Variants in CERKL observed in about 807,000 individuals in gnomAD.
CERKL encodes the protein ceramide kinase-like protein.
In CERKL, 61 loss-of-function variants were observed where a neutral mutation model predicts 63.4. That is an observed-to-expected ratio of 0.96 (90% CI 0.78 to 1.19). The LOEUF (loss-of-function observed/expected upper bound fraction) is 1.19, where lower values mean the gene tolerates loss of function less well. Ranked by LOEUF, CERKL falls within the 50% of genes most tolerant of loss-of-function variation. CERKL has a pLI of 0.00. For missense variants in CERKL, 675 were observed against 655.5 expected (o/e 1.03, Z -0.33); for synonymous variants, 250 against 230.5 (o/e 1.08, Z -0.77).
At chr2:181,557,578 G>A (rs192079684) in intron 5 of CERKL, among the ~76,000 whole-genome samples, 36 of 152,082 alleles carry the variant, frequency 2.4e-4, no homozygotes, top group Middle Eastern at 3.4e-3. Context: ...ACGGTTCTCC[G>A]TGTCTCTGAC....
intron 11 of CERKL, among the ~76,000 whole-genome samples, chr2:181,541,961 C>A (rs561448816): frequency 3.9e-5 from 6 of 152,294 alleles, no homozygotes; most frequent in African/African-American, 1.4e-4. Context: ...AGAGGTCCTG[C>A]AGATAAGACG....
chr2:181,601,519 G>A (rs555025974), intron 2 of CERKL, among the ~76,000 whole-genome samples: 1 of 152,208 alleles, frequency 6.6e-6, no homozygotes, highest in Non-Finnish European at 1.5e-5. Flanking sequence ...CCAAGATCAC[G>A]CCACTGTACT....
At chr2:181,638,062 AG>A (rs1225645061) in intron 1 of CERKL, among the ~76,000 whole-genome samples, 1 of 152,210 alleles carries the variant, frequency 6.6e-6, no homozygotes, top group Admixed American at 6.5e-5. Flanking sequence ...CAGGACTTTA[AG>A]GGTAGGAGAA....
At chr2:181,616,206 ATTTTTTT>A (rs35040208) in intron 1 of CERKL, among the ~76,000 whole-genome samples, 32 of 110,056 alleles carry the variant, frequency 2.9e-4, no homozygotes, top group African/African-American at 1.0e-3. Flanking sequence ...AAAAATCTAA[ATTTTTTT>A]TTTTTTTTTT....
chr2:181,568,398 G>T (rs1393838967), intron 3 of CERKL, among the ~76,000 whole-genome samples: 1 of 152,122 alleles, frequency 6.6e-6, no homozygotes. Context: ...ACAGGAAAAT[G>T]ACTTCTTTCT....
At chr2:181,565,469 T>C (rs774406597) in intron 4 of CERKL, 11 of 1,612,300 alleles carry the variant, frequency 6.8e-6, no homozygotes, top group African/African-American at 1.3e-5. Flanking sequence ...GAACAATCTC[T>C]GTACACTCCA....
chr2:181,553,720 T>G (rs1688087446), intron 5 of CERKL, among the ~76,000 whole-genome samples: 1 of 152,222 alleles, frequency 6.6e-6, no homozygotes, highest in South Asian at 2.1e-4. Context: ...ATTTTAGTCA[T>G]TGACTACTCA....
At chr2:181,618,666 C>T (rs1686319714) in intron 1 of CERKL, among the ~76,000 whole-genome samples, 1 of 152,146 alleles carries the variant, frequency 6.6e-6, no homozygotes, top group African/African-American at 2.4e-5. Context: ...CCCGCCTCGG[C>T]CTCGCATAGT....
intron 1 of CERKL, among the ~76,000 whole-genome samples, chr2:181,647,717 C>T (rs3863938): frequency 0.44 from 66,728 of 151,854 alleles, 16,258 homozygotes; most frequent in South Asian, 0.78. Context: ...CAAGGACACA[C>T]GACACTGCCA....
At chr2:181,598,704 C>T in intron 2 of CERKL, among the ~76,000 whole-genome samples, 1 of 152,188 alleles carries the variant, frequency 6.6e-6, no homozygotes, top group East Asian at 1.9e-4. Flanking sequence ...CTCAGCCCCA[C>T]ATGAGATAGA....
chr2:181,544,915 A>G, intron 10 of CERKL, 119 bp from the exon 11 acceptor site: 1 of 576,352 alleles, frequency 1.7e-6, no homozygotes, highest in Non-Finnish European at 3.0e-6. Flanking sequence ...GACAAGATAG[A>G]TAAATCACCA....
At chr2:181,620,109 C>T (rs1686383000) in intron 1 of CERKL, among the ~76,000 whole-genome samples, 1 of 152,100 alleles carries the variant, frequency 6.6e-6, no homozygotes, top group African/African-American at 2.4e-5. Context: ...GTGCTTAAAC[C>T]TTTTGTGGCC....
rs1463802580 is a variant in CERKL, at chr2:181,536,995, GGCCTGCAGTGATGGTGAGGAAT to G, written c.*1167_*1188del. The G allele has an allele frequency of 2.0e-5, 9 of 450,228 alleles. No individual in the cohort carries two copies. The highest frequency in any genetic ancestry group is 3.6e-5 in the Non-Finnish European group (8 of 225,244). 27.9% of individuals were successfully genotyped at this position (450,228 alleles called of 1,614,324 possible). Reference sequence around the variant, plus strand: ...AATTGATGAAAGTTATCTGTTCACAGGCCTGCAGTGATGGTGAGGAATGTTCTGAGATTTGCGAAGGCATTTG... The same window carrying G: ...AATTGATGAAAGTTATCTGTTCACAGGTTCTGAGATTTGCGAAGGCATTTG... On this transcript the variant is annotated 3_prime_UTR_variant, in exon 13 of 13. Transcript: ENST00000410087.
At chr2:181,656,652 G>A (rs577255617) in intron 1 of CERKL, 117 bp downstream of exon 1, 4 of 889,490 alleles carry the variant, frequency 4.5e-6, no homozygotes, top group Middle Eastern at 3.5e-4. Flanking sequence ...AGGCGAGCAC[G>A]GGGAGGGGAG....
chr2:181,606,096 A>G (rs973057880), intron 1 of CERKL, among the ~76,000 whole-genome samples: 4 of 151,258 alleles, frequency 2.6e-5, no homozygotes, highest in Admixed American at 2.0e-4. Context: ...GAAAGAAAGA[A>G]AAAGACAGAA....
At chr2:181,612,169 C>G (rs528818221) in intron 1 of CERKL, among the ~76,000 whole-genome samples, 1 of 152,314 alleles carries the variant, frequency 6.6e-6, no homozygotes, top group African/African-American at 2.4e-5. Context: ...AGATTTGAAT[C>G]CAAGCATTTT....
chr2:181,582,397 A>G (rs967400288), intron 2 of CERKL, among the ~76,000 whole-genome samples: 3 of 152,162 alleles, frequency 2.0e-5, no homozygotes, highest in African/African-American at 7.2e-5. Context: ...GTAGGCCATC[A>G]GCATATTTAA....
intron 1 of CERKL, among the ~76,000 whole-genome samples, chr2:181,617,884 T>A (rs557162962): frequency 7.9e-5 from 12 of 152,240 alleles, no homozygotes; most frequent in African/African-American, 2.9e-4. Flanking sequence ...TAAAAGATGT[T>A]TCCTTTTCAG....
intron 2 of CERKL, among the ~76,000 whole-genome samples, chr2:181,590,117 T>C (rs1433742524): frequency 1.3e-5 from 2 of 151,924 alleles, no homozygotes; most frequent in African/African-American, 4.8e-5. Flanking sequence ...CCACTGCACC[T>C]GGCCCATAAT....
Sources: gnomAD v4.1 joint callset for allele counts (sites outside exome capture counted in the v4.1 genomes callset) on GRCh38, gnomAD v4.1.1 for gene constraint, MANE v1.5 for transcripts, NCBI Gene and HGNC (gene_info 2026-07-23, HGNC 2026-07-21) for gene names.